The following TBC1D1 variants were observed in gnomAD, a reference collection of about 807,000 sequenced individuals.
TBC1D1 encodes TBC1 domain family member 1.
TBC1D1 carries 89 observed loss-of-function variants against 125.6 expected under a neutral mutation model. The observed-to-expected ratio is 0.71, with a 90% CI of 0.60 to 0.85. The LOEUF (loss-of-function observed/expected upper bound fraction) is 0.85, where lower values mean the gene tolerates loss of function less well. TBC1D1 is among the 40% of genes least tolerant of loss of function. The probability of loss-of-function intolerance (pLI) is 0.00; values close to 1 mark genes in which losing one functional copy is unlikely to be tolerated. For synonymous variants in TBC1D1, 565 were observed against 564.1 expected (o/e 1.00, Z -0.02); for missense variants, 1,377 against 1,469.2 (o/e 0.94, Z 1.03).
At chr4:37,994,672 T>C (rs1332316546) in intron 2 of TBC1D1, among the ~76,000 whole-genome samples, 2 of 152,228 alleles carry the variant, frequency 1.3e-5, no homozygotes, top group African/African-American at 2.4e-5. Flanking sequence ...CCCTTGTTGC[T>C]GCTGCTTTTA....
At chr4:37,937,494 T>C (rs1181972488) in intron 2 of TBC1D1, among the ~76,000 whole-genome samples, 1 of 152,142 alleles carries the variant, frequency 6.6e-6, no homozygotes, top group African/African-American at 2.4e-5. Flanking sequence ...AAATAACCAC[T>C]GGTATTAGTT....
chr4:38,089,930 A>C lies in TBC1D1; in HGVS notation c.2051-2A>C. 1 of 1,562,156 alleles carries C rather than the reference A, an allele frequency of 6.4e-7. No homozygotes were observed. The highest frequency in any genetic ancestry group is 8.6e-7 in the Non-Finnish European group (1 of 1,157,038). On this transcript the variant is annotated splice_acceptor_variant, in intron 12 of 19. Coordinates refer to ENST00000261439, the MANE Select transcript of TBC1D1 (RefSeq NM_015173.4). LOFTEE classifies it high-confidence loss of function. ...ATTCTGGAATGCCGTCTCCCTTTCC[A>C]GATTATTCAGAGCTGGGAGAGCTTC... is the stretch of plus-strand genomic sequence containing the variant.
intron 3 of TBC1D1, among the ~76,000 whole-genome samples, chr4:38,016,651 T>C (rs187486593): frequency 8.5e-5 from 13 of 152,358 alleles, no homozygotes; most frequent in Admixed American, 8.5e-4. Context: ...ATTTCTCTGT[T>C]CACTGCTGTC....
intron 1 of TBC1D1, among the ~76,000 whole-genome samples, chr4:37,897,724 T>C (rs1232840911): frequency 6.6e-6 from 1 of 152,254 alleles, no homozygotes; most frequent in Non-Finnish European, 1.5e-5. Flanking sequence ...AGATTTATCC[T>C]TTGTAATAAT....
chr4:38,053,309 T>C, intron 11 of TBC1D1, 84 bp downstream of exon 13: 6 of 1,138,850 alleles, frequency 5.3e-6, no homozygotes, highest in Non-Finnish European at 6.8e-6. Context: ...TTAATTACTA[T>C]TTTGCCATTT....
At chr4:38,124,616 T>C (rs566368304) in intron 17 of TBC1D1, among the ~76,000 whole-genome samples, 73 of 152,342 alleles carry the variant, frequency 4.8e-4, no homozygotes, top group African/African-American at 1.7e-3. Context: ...AAAAATCTTT[T>C]AGTGTGACCC....
chr4:38,112,161 G>A (rs1762298297), intron 15 of TBC1D1: 1 of 747,304 alleles, frequency 1.3e-6, no homozygotes, highest in Non-Finnish European at 1.6e-6. Context: ...TCTAGGTGGT[G>A]GTGGTGATTA....
chr4:38,089,145 C>T (rs1395167454), intron 12 of TBC1D1, among the ~76,000 whole-genome samples: 1 of 152,198 alleles, frequency 6.6e-6, no homozygotes, highest in Non-Finnish European at 1.5e-5. Context: ...ATCAGGAAGA[C>T]ATGAGTTAGA....
rs1766948791 is a variant in TBC1D1, at chr4:38,138,315, T to C, written c.*980T>C. 6.6e-6 allele frequency: 1 copy of C among 152,350 alleles called. No homozygotes were observed. Among genetic ancestry groups the C allele is most frequent in the African/African-American group, 2.4e-5 (1 of 41,578 alleles). The allele number at this position is 152,350 out of a possible 1,614,324, so 9.4% of individuals were successfully genotyped here. A position where few individuals can be genotyped will look rare whatever the true frequency, so the allele number is the denominator to read the frequency against. ...CTTTGTGGTAGTTTCATACCCATAC[T>C]ATAGAGTCATGTATTTATTTTTGCC... On this transcript the variant is annotated 3_prime_UTR_variant, in exon 20 of 20. Coordinates refer to ENST00000261439, the MANE Select transcript of TBC1D1 (RefSeq NM_015173.4).
At chr4:37,951,870 C>G in intron 2 of TBC1D1, 1 of 655,582 alleles carries the variant, frequency 1.5e-6, no homozygotes, top group Non-Finnish European at 2.8e-6. Flanking sequence ...CAATTTTTAG[C>G]TATTACAATA....
rs1248118022 is a variant in TBC1D1, at chr4:38,006,655, AT to A, written c.418-7849del. 92 of 224,520 alleles carry A rather than the reference AT, an allele frequency of 4.1e-4. 3 individuals carry two copies. The South Asian group carries it at 4.7e-3, about 11-fold the overall frequency. The allele number at this position is 224,520 out of a possible 1,614,324, so 13.9% of individuals were successfully genotyped here. The stretch of plus-strand genomic sequence containing the variant: ...CACCACGCCCGGCTAATTTTTTTGT[AT>A]TTTTAGTAGAGATGGGGTTTCACCA... On this transcript the variant is annotated intron_variant, in intron 2 of 19. Coordinates refer to ENST00000261439, the MANE Select transcript of TBC1D1 (RefSeq NM_015173.4).
chr4:38,059,932 G>A (rs1752461659), intron 12 of TBC1D1, among the ~76,000 whole-genome samples: 1 of 152,126 alleles, frequency 6.6e-6, no homozygotes, highest in African/African-American at 2.4e-5. Flanking sequence ...ATGTCCATGT[G>A]TTCTCATGAT....
chr4:37,935,244 C>T (rs966642750), intron 2 of TBC1D1, among the ~76,000 whole-genome samples: 9 of 152,192 alleles, frequency 5.9e-5, no homozygotes, highest in East Asian at 1.9e-4. Flanking sequence ...CAGTAACTGT[C>T]GCTTTGATCC....
At chr4:38,006,627 T>C (rs538449539) in intron 2 of TBC1D1, among the ~76,000 whole-genome samples, 21 of 152,072 alleles carry the variant, frequency 1.4e-4, no homozygotes, top group South Asian at 4.2e-4. Flanking sequence ...TACAGGCATG[T>C]GCCACCACGC....
chr4:37,948,865 A>G (rs1727272707), intron 2 of TBC1D1, among the ~76,000 whole-genome samples: 1 of 152,184 alleles, frequency 6.6e-6, no homozygotes, highest in African/African-American at 2.4e-5. Flanking sequence ...GAATAGAATC[A>G]TGTAATATGT....
intron 2 of TBC1D1, among the ~76,000 whole-genome samples, chr4:37,978,059 G>C (rs549911192): frequency 6.6e-6 from 1 of 152,334 alleles, no homozygotes; most frequent in East Asian, 1.9e-4. Flanking sequence ...TCTGAGGTCT[G>C]AGTTTTAAAT....
chr4:38,080,299 T>TA (rs58959609), intron 12 of TBC1D1, among the ~76,000 whole-genome samples: 3 of 151,876 alleles, frequency 2.0e-5, no homozygotes, highest in Non-Finnish European at 4.4e-5. Flanking sequence ...TGACATCTTT[T>TA]AAAAAAAATC....
intron 2 of TBC1D1, among the ~76,000 whole-genome samples, chr4:37,921,446 C>T (rs980137735): frequency 2.0e-5 from 3 of 151,214 alleles, no homozygotes; most frequent in East Asian, 2.0e-4. Context: ...CTCCCTCTGT[C>T]GCCAAGCTGG....
chr4:38,125,152 T>G, intron 18 of TBC1D1, 21 bp downstream of exon 20: 1 of 1,610,942 alleles, frequency 6.2e-7, no homozygotes, highest in African/African-American at 1.3e-5. Flanking sequence ...GTCCAAACCT[T>G]GCAAATGCTT....
Sources: allele counts gnomAD v4.1 joint callset (sites outside exome capture counted in the v4.1 genomes callset), GRCh38; gene constraint gnomAD v4.1.1; transcripts MANE v1.5; gene names NCBI Gene and HGNC (gene_info 2026-07-23, HGNC 2026-07-21).